Variants in MMS19 observed in about 807,000 individuals in gnomAD.
MMS19 encodes MMS19 nucleotide excision repair protein homolog.
A neutral mutation model predicts 129.8 loss-of-function variants in MMS19; 77 were observed. The observed-to-expected ratio is 0.59, with a 90% CI of 0.49 to 0.72. The LOEUF is 0.72. MMS19 is among the 30% of genes least tolerant of loss of function. The probability of loss-of-function intolerance (pLI) is 0.00; values close to 1 mark genes in which losing one functional copy is unlikely to be tolerated. For missense variants in MMS19, 1,168 were observed against 1,266.3 expected (o/e 0.92, Z 1.18); for synonymous variants, 491 against 502.8 (o/e 0.98, Z 0.31).
At chr10:97,498,681 A>AG, upstream of MMS19, 2 of 435,368 alleles carry the variant, frequency 4.6e-6, no homozygotes, top group Non-Finnish European at 8.2e-6. Context: ...GGGTGGGGAG[A>AG]GGGGCGGTAC....
At chr10:97,462,878 G>A (rs925417620) in intron 19 of MMS19, 196 bp from the exon 20 acceptor site, 1 of 591,010 alleles carries the variant, frequency 1.7e-6, no homozygotes, top group African/African-American at 1.9e-5. Context: ...TGGGGCCACA[G>A]AGCGCTCCTG....
At chr10:97,469,816 G>A in intron 10 of MMS19, 93 bp from the exon 11 acceptor site, 5 of 1,040,114 alleles carry the variant, frequency 4.8e-6, no homozygotes, top group Non-Finnish European at 7.3e-6. Flanking sequence ...AAGGAGCCCT[G>A]GTCTCAGCAG....
chr10:97,464,039 A>G, intron 18 of MMS19, 26 bp from the exon 19 acceptor site: 1 of 1,601,686 alleles, frequency 6.2e-7, no homozygotes, highest in South Asian at 1.1e-5. Flanking sequence ...TGTTCTCTGT[A>G]AGGTTTGCTT....
chr10:97,465,233 C>T (rs2033181553), intron 18 of MMS19, among the ~76,000 whole-genome samples: 1 of 151,660 alleles, frequency 6.6e-6, no homozygotes, highest in African/African-American at 2.4e-5. Flanking sequence ...AACTCCTGAC[C>T]TTGTGATCCA....
intron 9 of MMS19, 121 bp downstream of exon 9, chr10:97,470,654 A>G: frequency 1.6e-6 from 1 of 628,834 alleles, no homozygotes; most frequent in Non-Finnish European, 2.9e-6. Flanking sequence ...CACACAAGAC[A>G]CTTGCAGGGT....
In MMS19 at chr10:97,476,683, A is replaced by C. The variant is rs1341828056; in HGVS notation, c.684T>G (p.Pro228=). The C allele has an allele frequency of 6.2e-7, 1 of 1,613,672 alleles. No homozygotes were observed. The highest frequency in any genetic ancestry group is 1.1e-5 in the South Asian group (1 of 90,998). Residue 228 remains proline (P), a splice_region_variant and synonymous_variant, in exon 8 of 31, where the codon CCT becomes CCG. Coordinates refer to ENST00000438925, the MANE Select transcript of MMS19 (RefSeq NM_022362.5). The stretch of plus-strand genomic sequence containing the variant: ...ATCAAACAATGAAGGTGCTACTTAC[A>C]GGGGTAAAATCGATAGGGAAATAAC... ...TSCYFPIDFT[P]PPNDPHGIQR...
intron 1 of MMS19, 148 bp downstream of exon 1, chr10:97,498,125 G>C (rs29001248): frequency 2.7e-5 from 18 of 668,630 alleles, no homozygotes; most frequent in Non-Finnish European, 4.2e-5. Context: ...AACTTGTTAC[G>C]GCTCTGAACC....
chr10:97,498,555 G>T (rs2040242856), upstream of MMS19: 1 of 807,672 alleles, frequency 1.2e-6, no homozygotes, highest in African/African-American at 1.8e-5. Flanking sequence ...GGCCTGAAAT[G>T]GGGCGGTGGC....
At chr10:97,482,762 A>T (rs2135456624) in intron 2 of MMS19, among the ~76,000 whole-genome samples, 1 of 149,744 alleles carries the variant, frequency 6.7e-6, no homozygotes, top group East Asian at 2.0e-4. Flanking sequence ...ACACACACAC[A>T]CACACATATA....
At position 97,459,414 on chromosome 10, in the gene MMS19, T is replaced by TGAA. The variant is rs2031013064; in HGVS notation, c.2849_2851dup (p.Leu950dup). 6.2e-7 allele frequency: 1 copy of TGAA among 1,607,134 alleles called. No homozygotes were observed. Among genetic ancestry groups the TGAA allele is most frequent in the Non-Finnish European group, 8.5e-7 (1 of 1,176,904 alleles). On this transcript the variant is annotated inframe_insertion, in exon 28 of 31. Coordinates refer to ENST00000438925, the MANE Select transcript of MMS19 (RefSeq NM_022362.5). ...AAACTTGGTGACGAGGGTGTCCACG[T>TGAA]GAAGACTCATGACTTGGGGTGCTTC...
intron 1 of MMS19, among the ~76,000 whole-genome samples, chr10:97,491,367 T>A (rs1018573492): frequency 1.4e-4 from 21 of 152,190 alleles, no homozygotes; most frequent in South Asian, 4.1e-4. Flanking sequence ...TTCATTTTTT[T>A]AAAAAAATTG....
intron 18 of MMS19, among the ~76,000 whole-genome samples, 187 bp downstream of exon 18, chr10:97,465,618 G>C (rs979478158): frequency 6.6e-6 from 1 of 152,260 alleles, no homozygotes; most frequent in African/African-American, 2.4e-5. Flanking sequence ...ACTCTTAATA[G>C]TACTGTTGCC....
chr10:97,492,860 CAAAAA>C (rs67491435), intron 1 of MMS19, among the ~76,000 whole-genome samples: 4 of 106,080 alleles, frequency 3.8e-5, no homozygotes, highest in Non-Finnish European at 5.9e-5. Context: ...CTTCATCTCC[CAAAAA>C]AAAAAAAAAA....
intron 10 of MMS19, 109 bp downstream of exon 10, chr10:97,470,020 C>A: frequency 1.2e-6 from 1 of 806,780 alleles, no homozygotes. Context: ...CCTGGGTATC[C>A]TCTTCTGAGG....
At chr10:97,485,286 G>A (rs914991695) in intron 1 of MMS19, among the ~76,000 whole-genome samples, 1 of 151,748 alleles carries the variant, frequency 6.6e-6, no homozygotes, top group African/African-American at 2.4e-5. Context: ...CTGCCACCAC[G>A]CCTGGCTAAT....
intron 23 of MMS19, chr10:97,461,253 T>C (rs2031808776): frequency 3.3e-6 from 2 of 610,726 alleles, no homozygotes; most frequent in African/African-American, 1.8e-5. Context: ...CTAGCCCCAC[T>C]GTAGGGAGTA....
At chr10:97,498,023 TTCC>T (rs2040126428) in intron 1 of MMS19, among the ~76,000 whole-genome samples, 1 of 152,234 alleles carries the variant, frequency 6.6e-6, no homozygotes, top group African/African-American at 2.4e-5. Context: ...GAGCCTCAGT[TTCC>T]TCATCTGTAA....
chr10:97,466,791 A>C lies in MMS19; in HGVS notation c.1408T>G (p.Leu470Val), dbSNP rs750629796. The change falls in exon 15 of 31, where the codon TTG (leucine) becomes GTG (valine). Residue 470 changes from leucine to valine, a missense_variant. By Grantham distance (32) the Leu-to-Val change is conservative. Around this residue, in one of 3 missense-constraint regions of MMS19, gnomAD observed 831 missense variants for 910.8 expected, o/e 0.91. Transcript: ENST00000438925. Reference sequence around the variant, plus strand: ...TAAGATGTACCTGGCTGGGCACCCAAGACTGTCAGTGTACGGATGCCAACA... The same window carrying C: ...TAAGATGTACCTGGCTGGGCACCCACGACTGTCAGTGTACGGATGCCAACA... ...QLVGIRTLTV[L>V]GAQPDLLSYE... is the part of the protein sequence containing the mutation. The C allele has an allele frequency of 2.5e-6, 4 of 1,614,028 alleles. No individual in the cohort carries two copies. The highest frequency in any genetic ancestry group is 2.5e-6 in the Non-Finnish European group (3 of 1,179,898).
intron 1 of MMS19, among the ~76,000 whole-genome samples, chr10:97,488,589 T>G (rs1442230006): frequency 6.6e-6 from 1 of 152,244 alleles, no homozygotes; most frequent in Non-Finnish European, 1.5e-5. Flanking sequence ...ATACTTTAAA[T>G]CATCTCTAGA....
Sources: allele counts gnomAD v4.1 joint callset (sites outside exome capture counted in the v4.1 genomes callset), GRCh38; gene constraint gnomAD v4.1.1; regional missense constraint gnomAD v4.1.1; transcripts MANE v1.5; gene names NCBI Gene and HGNC (gene_info 2026-07-23, HGNC 2026-07-21).